The following KIAA1549L variants were observed in gnomAD, a reference collection of about 807,000 sequenced individuals.
KIAA1549L encodes the protein UPF0606 protein KIAA1549L.
In KIAA1549L, 88 loss-of-function variants were observed where a neutral mutation model predicts 160.7. The observed-to-expected ratio is 0.55, with a 90% CI of 0.46 to 0.65. The LOEUF (loss-of-function observed/expected upper bound fraction) is 0.65, where lower values mean the gene tolerates loss of function less well. KIAA1549L is among the 30% of genes least tolerant of loss of function. The pLI is 0.00. For synonymous variants in KIAA1549L, 950 were observed against 976.7 expected, an observed-to-expected ratio of 0.97 and a Z score of 0.51; for missense variants, 2,258 against 2,437.5, an observed-to-expected ratio of 0.93 and a Z score of 1.55.
At chr11:33,497,111 C>T (rs1852839261) in intron 1 of KIAA1549L, among the ~76,000 whole-genome samples, 1 of 152,138 alleles carries the variant, frequency 6.6e-6, no homozygotes, top group Non-Finnish European at 1.5e-5. Flanking sequence ...GGTAGCCTGG[C>T]ACTCCCCAGC....
At chr11:33,562,230 TC>T (rs1590345991) in intron 8 of KIAA1549L, among the ~76,000 whole-genome samples, 2 of 152,332 alleles carry the variant, frequency 1.3e-5, no homozygotes, top group African/African-American at 2.4e-5. Context: ...TCTCTTTTGT[TC>T]CTTGACATTT....
intron 1 of KIAA1549L, among the ~76,000 whole-genome samples, chr11:33,490,199 G>C (rs1027620220): frequency 2.0e-5 from 3 of 152,116 alleles, no homozygotes; most frequent in African/African-American, 4.8e-5. Flanking sequence ...TACAACACAG[G>C]ACTTGAGTTA....
intron 1 of KIAA1549L, among the ~76,000 whole-genome samples, chr11:33,440,499 A>C (rs1349258793): frequency 1.3e-5 from 2 of 152,070 alleles, no homozygotes; most frequent in Non-Finnish European, 2.9e-5. Flanking sequence ...AAGCTTAAAC[A>C]TGTGTATTAA....
chr11:33,544,117 A>G lies in KIAA1549L; in HGVS notation c.2554A>G (p.Thr852Ala), dbSNP rs1489217498. Residue 852 changes from threonine to alanine, a missense_variant, in exon 2 of 21, where the codon ACT becomes GCT. Coordinates refer to ENST00000658780, the MANE Select transcript of KIAA1549L (RefSeq NM_012194.3). ...TCTTTTGCTAACCTCACCAGGACCAACTTCTACAGGTAGCTTGCAGGAAAT... is the reference window on the plus strand; with the variant it reads ...TCTTTTGCTAACCTCACCAGGACCAGCTTCTACAGGTAGCTTGCAGGAAAT... ...HPLLLTSPGP[T>A]STGSLQEMLS... is the part of the protein sequence containing the mutation. The G allele has an allele frequency of 2.5e-6, 4 of 1,613,994 alleles. No individual in the cohort carries two copies. The highest frequency in any genetic ancestry group is 3.4e-6 in the Non-Finnish European group (4 of 1,179,882).
At chr11:33,514,448 C>T (rs763607212) in intron 1 of KIAA1549L, among the ~76,000 whole-genome samples, 3 of 152,184 alleles carry the variant, frequency 2.0e-5, no homozygotes, top group Non-Finnish European at 4.4e-5. Context: ...TCAACATTTT[C>T]ATTTTCTGTG....
At chr11:33,498,833 AG>A (rs1300731342) in intron 1 of KIAA1549L, among the ~76,000 whole-genome samples, 1 of 152,088 alleles carries the variant, frequency 6.6e-6, no homozygotes, top group Non-Finnish European at 1.5e-5. Flanking sequence ...CTTCCTGCAG[AG>A]GGGCGAGGAA....
chr11:33,435,770 A>G (rs1370703079), intron 1 of KIAA1549L, among the ~76,000 whole-genome samples: 3 of 5,874 alleles, frequency 5.1e-4, no homozygotes, highest in African/African-American at 3.0e-3. Context: ...ATATATATAT[A>G]TATATATATA....
At chr11:33,586,104 T>G (rs1849862405) in intron 11 of KIAA1549L, among the ~76,000 whole-genome samples, 1 of 152,192 alleles carries the variant, frequency 6.6e-6, no homozygotes, top group Non-Finnish European at 1.5e-5. Flanking sequence ...CTCACCACCT[T>G]GTGTGTGTGA....
chr11:33,609,776 G>A lies in KIAA1549L; in HGVS notation c.5089G>A (p.Asp1697Asn). 1 of 1,611,022 alleles carries A rather than the reference G, an allele frequency of 6.2e-7. No individual in the cohort carries two copies. The highest frequency in any genetic ancestry group is 1.7e-5 in the Admixed American group (1 of 59,660). The change falls in exon 15 of 21, where the codon GAC (aspartate) becomes AAC (asparagine). Residue 1697 changes from aspartate to asparagine, a missense_variant. Around this residue, in one of 6 missense-constraint regions of KIAA1549L, gnomAD observed 1,359 missense variants for 1,546.6 expected, o/e 0.88. Coordinates refer to ENST00000658780, the MANE Select transcript of KIAA1549L (RefSeq NM_012194.3). ...GAACAAAGCCCTGAAGCAGAAGTCA[G>A]ACATCGAGCACTATCGGAACAAGCT... Reference protein sequence around the residue: ...EVNKALKQKSDIEHYRNKLRL... With the variant: ...EVNKALKQKSNIEHYRNKLRL...
chr11:33,431,551 C>A (rs1851243553), intron 1 of KIAA1549L, among the ~76,000 whole-genome samples: 2 of 152,318 alleles, frequency 1.3e-5, no homozygotes, highest in South Asian at 4.1e-4. Flanking sequence ...GAGCTAGACA[C>A]AGGGTGCTGA....
chr11:33,385,602 A>T (rs1850158232), intron 1 of KIAA1549L, among the ~76,000 whole-genome samples: 3 of 152,204 alleles, frequency 2.0e-5, no homozygotes, highest in Admixed American at 6.5e-5. Context: ...TATTCTTTTA[A>T]AAAATCTTTT....
At chr11:33,647,725 G>A (rs1851765005) in intron 17 of KIAA1549L, among the ~76,000 whole-genome samples, 2 of 152,020 alleles carry the variant, frequency 1.3e-5, no homozygotes, top group African/African-American at 2.4e-5. Flanking sequence ...GCCAGATCAA[G>A]TCTTCCAACA....
chr11:33,556,636 T>TA (rs1854657198), intron 6 of KIAA1549L, among the ~76,000 whole-genome samples: 1 of 152,206 alleles, frequency 6.6e-6, no homozygotes, highest in Admixed American at 6.5e-5. Context: ...TTATAAAAGA[T>TA]ATCTAGAGTT....
At chr11:33,642,602 G>T (rs547912751) in intron 16 of KIAA1549L, among the ~76,000 whole-genome samples, 28 of 151,304 alleles carry the variant, frequency 1.9e-4, no homozygotes, top group Non-Finnish European at 2.9e-4. Flanking sequence ...GGTTTGGGGG[G>T]GTGGAAATGG....
chr11:33,569,315 G>T (rs1031303173), intron 9 of KIAA1549L, among the ~76,000 whole-genome samples: 3 of 152,204 alleles, frequency 2.0e-5, no homozygotes, highest in Non-Finnish European at 4.4e-5. Context: ...CATTTGTTGT[G>T]CTAATTAACA....
intron 4 of KIAA1549L, among the ~76,000 whole-genome samples, chr11:33,550,819 A>G (rs976360412): frequency 7.2e-5 from 11 of 152,208 alleles, no homozygotes; most frequent in African/African-American, 2.7e-4. Flanking sequence ...TTAATTCTAT[A>G]CCATGAAGGT....
intron 7 of KIAA1549L, among the ~76,000 whole-genome samples, chr11:33,560,558 CAGTTACATTAT>C (rs1268637633): frequency 1.3e-5 from 2 of 152,200 alleles, no homozygotes; most frequent in Non-Finnish European, 2.9e-5. Context: ...TCTAATGTTT[CAGTTACATTAT>C]CCTCATTACC....
At chr11:33,519,495 T>C (rs1565167014) in intron 1 of KIAA1549L, among the ~76,000 whole-genome samples, 1 of 152,258 alleles carries the variant, frequency 6.6e-6, no homozygotes, top group African/African-American at 2.4e-5. Flanking sequence ...AGCAAATGGC[T>C]GTAACAATTA....
Position 33,656,010 on chromosome 11 carries a change from A to G in KIAA1549L, c.5761-2A>G. 1 of 1,611,324 alleles carries G rather than the reference A, an allele frequency of 6.2e-7. No homozygotes were observed. The highest frequency in any genetic ancestry group is 8.5e-7 in the Non-Finnish European group (1 of 1,177,648). On this transcript the variant is annotated splice_acceptor_variant, in intron 17 of 20. Coordinates refer to ENST00000658780, the MANE Select transcript of KIAA1549L (RefSeq NM_012194.3). LOFTEE classifies it high-confidence loss of function. ...TCCCTGTATTGCTTGTCTCTTTCAC[A>G]GGCTTACAGGTTTTCCCAGCTTCCT... is the stretch of plus-strand genomic sequence containing the variant.
Sources: gnomAD v4.1 joint callset for allele counts (sites outside exome capture counted in the v4.1 genomes callset) on GRCh38, gnomAD v4.1.1 for gene constraint, gnomAD v4.1.1 regional missense constraint, MANE v1.5 for transcripts, NCBI Gene and HGNC (gene_info 2026-07-23, HGNC 2026-07-21) for gene names.